EDNRB: variants seen among roughly 807,000 people sequenced by gnomAD.
EDNRB encodes endothelin receptor type B.
EDNRB carries 18 observed loss-of-function variants against 46.4 expected under a neutral mutation model. The observed-to-expected ratio is 0.39, with a 90% CI of 0.27 to 0.57. EDNRB has a LOEUF of 0.57. EDNRB is among the 20% of genes least tolerant of loss of function. EDNRB has a pLI of 0.61. For missense variants in EDNRB, 434 were observed against 537.5 expected (o/e 0.81, Z 1.90); for synonymous variants, 213 against 204.9 (o/e 1.04, Z -0.34).
chr13:77,919,454 G>A (rs1879997239), upstream of EDNRB: 1 of 1,612,616 alleles, frequency 6.2e-7, no homozygotes, highest in Admixed American at 1.7e-5. Flanking sequence ...TTCCCGGGAG[G>A]CGGAACCCAG....
In EDNRB at chr13:77,897,746, T is replaced by G; in HGVS notation, c.*454A>C. The G allele has an allele frequency of 1.0e-6, 1 of 986,648 alleles. No homozygotes were observed. Among genetic ancestry groups the G allele is most frequent in the South Asian group, 4.6e-5 (1 of 21,872 alleles). The allele number at this position is 986,648 out of a possible 1,614,324, so 61.1% of individuals were successfully genotyped here. On this transcript the variant is annotated 3_prime_UTR_variant, in exon 7 of 7. Coordinates refer to ENST00000646607, the MANE Select transcript of EDNRB (RefSeq NM_001122659.3). ...TGATAATATTAATTGAAAAGTTGTT[T>G]TAAAGGATTTTAAAATTTTAAATTG...
chr13:77,904,643 T>C (rs1457718000), intron 1 of EDNRB, among the ~76,000 whole-genome samples: 1 of 151,294 alleles, frequency 6.6e-6, no homozygotes, highest in Non-Finnish European at 1.5e-5. Flanking sequence ...TACACGTATA[T>C]ATTTCTCTTT....
intron 1 of EDNRB, among the ~76,000 whole-genome samples, chr13:77,955,312 T>C (rs1258003584): frequency 6.6e-6 from 1 of 152,208 alleles, no homozygotes; most frequent in Non-Finnish European, 1.5e-5. Context: ...TTTTAAAAAT[T>C]AAATTGTTCA....
At chr13:77,937,237 A>G (rs1880594495) in intron 1 of EDNRB, among the ~76,000 whole-genome samples, 1 of 152,140 alleles carries the variant, frequency 6.6e-6, no homozygotes, top group South Asian at 2.1e-4. Context: ...TTAAGCCCTC[A>G]AACTAGGCAG....
intron 2 of EDNRB, 47 bp downstream of exon 2, chr13:77,903,448 C>A (rs193133931): frequency 6.2e-7 from 1 of 1,607,170 alleles, no homozygotes. Flanking sequence ...ACATGGAAAA[C>A]AATAGTATAT....
At chr13:77,956,713 A>G (rs763876916) in intron 1 of EDNRB, among the ~76,000 whole-genome samples, 2 of 152,212 alleles carry the variant, frequency 1.3e-5, no homozygotes, top group Non-Finnish European at 2.9e-5. Flanking sequence ...TCTGGAGGCT[A>G]TAAGAGAATA....
In EDNRB at chr13:77,897,419, C is replaced by A. The variant is rs201115297; in HGVS notation, c.*781G>T. 1.1e-5 allele frequency: 11 copies of A among 985,178 alleles called. No homozygotes were observed. In the East Asian group the frequency reaches 1.1e-3, roughly 102 times the overall value. The allele number at this position is 985,178 out of a possible 1,614,324, so 61.0% of individuals were successfully genotyped here. A position where few individuals can be genotyped will look rare whatever the true frequency, so the allele number is the denominator to read the frequency against. ...GGATAGCCTTTCAAACATTCTATTTCTCTTTGTGAGGTTTGATCTTAACTG... is the reference window on the plus strand; with the variant it reads ...GGATAGCCTTTCAAACATTCTATTTATCTTTGTGAGGTTTGATCTTAACTG... On this transcript the variant is annotated 3_prime_UTR_variant, in exon 7 of 7. Coordinates refer to ENST00000646607, the MANE Select transcript of EDNRB (RefSeq NM_001122659.3).
intron 1 of EDNRB, among the ~76,000 whole-genome samples, chr13:77,967,986 A>C (rs1301808848): frequency 6.6e-6 from 1 of 152,192 alleles, no homozygotes; most frequent in Non-Finnish European, 1.5e-5. Flanking sequence ...TATAAATGTG[A>C]ACTGAAAAGA....
At chr13:77,965,707 A>G (rs1293572402) in intron 1 of EDNRB, among the ~76,000 whole-genome samples, 1 of 152,138 alleles carries the variant, frequency 6.6e-6, no homozygotes, top group East Asian at 1.9e-4. Context: ...TATTGATTCC[A>G]TGTGTTGAAA....
chr13:77,929,442 T>C (rs978059840), intron 1 of EDNRB, among the ~76,000 whole-genome samples: 2 of 152,182 alleles, frequency 1.3e-5, no homozygotes, highest in African/African-American at 4.8e-5. Flanking sequence ...TATGTCCTCT[T>C]TAGGTGGCCT....
chr13:77,940,438 A>G (rs1414201539), intron 1 of EDNRB, among the ~76,000 whole-genome samples: 1 of 152,224 alleles, frequency 6.6e-6, no homozygotes, highest in East Asian at 1.9e-4. Flanking sequence ...GAATACCTTC[A>G]TAAAATTTTG....
intron 6 of EDNRB, 184 bp downstream of exon 6, chr13:77,899,675 T>C: frequency 1.8e-6 from 1 of 564,610 alleles, no homozygotes; most frequent in Non-Finnish European, 3.1e-6. Context: ...CTAGGATTTA[T>C]AGGAAAAAAC....
At chr13:77,902,272 T>A (rs987483996) in intron 3 of EDNRB, among the ~76,000 whole-genome samples, 2 of 151,940 alleles carry the variant, frequency 1.3e-5, no homozygotes, top group African/African-American at 4.8e-5. Flanking sequence ...GATTACGTAG[T>A]AGTTGTCAGT....
chr13:77,897,750 A>T lies in EDNRB; in HGVS notation c.*450T>A. The T allele has an allele frequency of 1.0e-6, 1 of 987,462 alleles. No homozygotes were observed. Among genetic ancestry groups the T allele is most frequent in the Non-Finnish European group, 1.2e-6 (1 of 829,690 alleles). 61.2% of individuals were successfully genotyped at this position (987,462 alleles called of 1,614,324 possible). On this transcript the variant is annotated 3_prime_UTR_variant, in exon 7 of 7. Coordinates refer to ENST00000646607, the MANE Select transcript of EDNRB (RefSeq NM_001122659.3). ...AATATTAATTGAAAAGTTGTTTTAA[A>T]GGATTTTAAAATTTTAAATTGAGTA...
chr13:77,923,335 G>T (rs1296130232), upstream of EDNRB, among the ~76,000 whole-genome samples: 2 of 152,034 alleles, frequency 1.3e-5, no homozygotes, highest in African/African-American at 4.8e-5. Context: ...AACAAAAAAT[G>T]AGTGTAACCT....
intron 1 of EDNRB, among the ~76,000 whole-genome samples, chr13:77,913,681 G>A (rs1879684490): frequency 6.6e-6 from 1 of 152,080 alleles, no homozygotes; most frequent in Non-Finnish European, 1.5e-5. Flanking sequence ...CTACAACCAA[G>A]TTTTGTTAAA....
upstream of EDNRB, among the ~76,000 whole-genome samples, chr13:77,921,769 C>T (rs1880092828): frequency 6.6e-6 from 1 of 152,134 alleles, no homozygotes; most frequent in South Asian, 2.1e-4. Context: ...GTCAGTTTCC[C>T]CTTTTGTAAA....
chr13:77,901,535 T>G (rs1252618463), intron 3 of EDNRB, among the ~76,000 whole-genome samples: 5 of 152,028 alleles, frequency 3.3e-5, no homozygotes, highest in Non-Finnish European at 5.9e-5. Context: ...AGAGTATTTT[T>G]TGTGTGAAAT....
chr13:77,949,348 T>C (rs1881023044), intron 1 of EDNRB, among the ~76,000 whole-genome samples: 1 of 152,166 alleles, frequency 6.6e-6, no homozygotes, highest in Non-Finnish European at 1.5e-5. Flanking sequence ...TACTGCCCAA[T>C]GCTAAGTTCT....
Sources: allele counts gnomAD v4.1 joint callset (sites outside exome capture counted in the v4.1 genomes callset), GRCh38; gene constraint gnomAD v4.1.1; transcripts MANE v1.5; gene names NCBI Gene and HGNC (gene_info 2026-07-23, HGNC 2026-07-21).